Variants in FAM149A observed in about 807,000 individuals in gnomAD.
FAM149A encodes the protein family with sequence similarity 149 member A.
A neutral mutation model predicts 78.2 loss-of-function variants in FAM149A; 71 were observed. That is an observed-to-expected ratio of 0.91 (90% CI 0.75 to 1.11). The LOEUF is 1.11. Ranked by LOEUF, FAM149A falls within the 50% of genes least tolerant of loss-of-function variation. The pLI is 0.00. For missense variants in FAM149A, 1,036 were observed against 971.0 expected (o/e 1.07, Z -0.89); for synonymous variants, 446 against 410.5 (o/e 1.09, Z -1.04).
In FAM149A at chr4:186,146,818, T is replaced by G. The variant is rs145902627; in HGVS notation, c.567-2355T>G. 284 of 985,466 alleles carry G rather than the reference T, an allele frequency of 2.9e-4. 1 individual carries two copies. In the South Asian group the frequency reaches 7.4e-3, roughly 26 times the overall value. The allele number at this position is 985,466 out of a possible 1,614,324, so 61.0% of individuals were successfully genotyped here. ...CATGTCAGGTCACGATGTAATCCTATGTTTCAGGCATAAACATTCAGAGTA... is the reference window on the plus strand; with the variant it reads ...CATGTCAGGTCACGATGTAATCCTAGGTTTCAGGCATAAACATTCAGAGTA... On this transcript the variant is annotated intron_variant, in intron 1 of 13. Coordinates refer to ENST00000389354, the MANE Select transcript of FAM149A (RefSeq NM_001367768.3).
chr4:186,161,326 C>T (rs996335115), intron 8 of FAM149A, among the ~76,000 whole-genome samples: 3 of 152,074 alleles, frequency 2.0e-5, no homozygotes, highest in South Asian at 2.1e-4. Flanking sequence ...TCTAAACCCG[C>T]GATCTTTGTG....
In FAM149A at chr4:186,137,001, TC is replaced by T. The variant is rs1561396568; in HGVS notation, c.567-12171del. Among the ~76,000 whole-genome samples the T allele has an allele frequency of 4.1e-3, 583 of 142,994 alleles. 10 individuals are homozygous for T. The highest frequency in any genetic ancestry group is 0.014 in the African/African-American group (562 of 39,218). 93.8% of individuals were successfully genotyped at this position (142,994 alleles called of 152,430 possible). On this transcript the variant is annotated intron_variant, in intron 1 of 13. Coordinates refer to ENST00000389354, the MANE Select transcript of FAM149A (RefSeq NM_001367768.3). ...TTCTCTCTCTCTCTCTCTCTCTCTCTCTCTCTCTCTCTCTCTCTAAGTGCTT... is the reference window on the plus strand; with the variant it reads ...TTCTCTCTCTCTCTCTCTCTCTCTCTTCTCTCTCTCTCTCTCTAAGTGCTT...
intron 6 of FAM149A, 46 bp from the exon 7 acceptor site, chr4:186,155,954 T>A (rs1205897119): frequency 6.6e-7 from 1 of 1,507,840 alleles, no homozygotes; most frequent in South Asian, 1.2e-5. Flanking sequence ...TTATTTTAAC[T>A]CTAAGCATTG....
rs778798781 is a variant in FAM149A at position 186,171,917 on chromosome 4, C to G, written c.2222C>G (p.Ser741Ter). 1.9e-6 allele frequency: 3 copies of G among 1,604,160 alleles called. No homozygotes were observed. The Admixed American group carries it at 5.2e-5, about 28-fold the overall frequency. Reference sequence around the variant, plus strand: ...ACCTTTTGCTTGGTGTTTCCAGGTTCACAATATGTGCCTAAATCTTTTCAG... The same window carrying G: ...ACCTTTTGCTTGGTGTTTCCAGGTTGACAATATGTGCCTAAATCTTTTCAG... The change falls in exon 14 of 14, where the codon TCA (serine) becomes TGA (stop). Residue 741 changes from serine (S) to a stop codon, truncating the protein, a stop_gained. Coordinates refer to ENST00000389354, the MANE Select transcript of FAM149A (RefSeq NM_001367768.3). LOFTEE classifies it high-confidence loss of function.
At position 186,144,871 on chromosome 4, in the gene FAM149A, G is replaced by C. The variant is rs1183765834; in HGVS notation, c.567-4302G>C. ...GGATCTGGAGAGGGAAGGGGCGTGC[G>C]AGCCCCGCGGACCCCGGGCGCGCCC... is the stretch of plus-strand genomic sequence containing the variant. On this transcript the variant is annotated intron_variant, in intron 1 of 13. Transcript: ENST00000389354. The surrounding 1 kb of genome is among the most constrained non-coding windows in gnomAD (Gnocchi z 4.2). 1 of 979,670 alleles carries C rather than the reference G, an allele frequency of 1.0e-6. No homozygotes were observed. The highest frequency in any genetic ancestry group is 1.2e-6 in the Non-Finnish European group (1 of 827,486). 60.7% of individuals were successfully genotyped at this position (979,670 alleles called of 1,614,324 possible).
intron 13 of FAM149A, among the ~76,000 whole-genome samples, chr4:186,171,440 C>G (rs889221295): frequency 6.6e-6 from 1 of 152,164 alleles, no homozygotes; most frequent in African/African-American, 2.4e-5. Context: ...CACATGACCT[C>G]CTTGCTACCT....
At chr4:186,109,071 T>G (rs2099310105) in intron 1 of FAM149A, 1 of 318,694 alleles carries the variant, frequency 3.1e-6, no homozygotes, top group Non-Finnish European at 4.5e-6. Context: ...ATGGTCTCGA[T>G]CTCCTGACCT....
Position 186,157,481 on chromosome 4 carries a change from A to C in FAM149A, c.1421-84A>C, listed in dbSNP as rs911699083. 28 of 1,408,136 alleles carry C rather than the reference A, an allele frequency of 2.0e-5. No individual in the cohort carries two copies. The African/African-American group carries it at 3.5e-4, about 18-fold the overall frequency. 87.2% of individuals were successfully genotyped at this position (1,408,136 alleles called of 1,614,324 possible). On this transcript the variant is annotated intron_variant, in intron 7 of 13. Coordinates refer to ENST00000389354, the MANE Select transcript of FAM149A (RefSeq NM_001367768.3). The stretch of plus-strand genomic sequence containing the variant: ...TGGGCTCGTGGTAGCTCAAGCACAC[A>C]TATTCTCTTTCAAGAGTGAATTTTA...
At chr4:186,171,787 T>G in intron 13 of FAM149A, 127 bp from the exon 14 acceptor site, 1 of 668,834 alleles carries the variant, frequency 1.5e-6, no homozygotes, top group Non-Finnish European at 2.2e-6. Context: ...TTTCCTAATT[T>G]ATACAAAAGT....
intron 1 of FAM149A, among the ~76,000 whole-genome samples, chr4:186,111,411 T>G (rs1195520662): frequency 2.6e-5 from 4 of 151,984 alleles, no homozygotes; most frequent in Non-Finnish European, 5.9e-5. Context: ...TAGATCCCTT[T>G]TGTCAATTTT....
At chr4:186,146,634 G>C in intron 1 of FAM149A, 1 of 730,192 alleles carries the variant, frequency 1.4e-6, no homozygotes, top group Non-Finnish European at 1.7e-6. Context: ...ACAAAAGCAG[G>C]AGGAGGAGCT....
intron 1 of FAM149A, among the ~76,000 whole-genome samples, chr4:186,138,479 C>G (rs956402802): frequency 6.6e-6 from 1 of 152,172 alleles, no homozygotes; most frequent in African/African-American, 2.4e-5. Context: ...CGCAGGGTCC[C>G]CTAAACTGTA....
rs1185242514 is a variant in FAM149A, at chr4:186,144,736, G to GGGGCCC, written c.567-4432_567-4431insCGGGCC. 4.6e-6 allele frequency: 4 copies of GGGGCCC among 863,620 alleles called. No homozygotes were observed. The East Asian group carries it at 3.6e-4, about 79-fold the overall frequency. 53.5% of individuals were successfully genotyped at this position (863,620 alleles called of 1,614,324 possible). A position where few individuals can be genotyped will look rare whatever the true frequency, so the allele number is the denominator to read the frequency against. On this transcript the variant is annotated intron_variant, in intron 1 of 13. Transcript: ENST00000389354. This position sits in a 1 kb window ranked among gnomAD's most constrained non-coding sequence, Gnocchi z 4.2. Reference sequence around the variant, plus strand: ...CGGAGGTCGGCGCGGGGCCGGGGCCGGGGCCGGGGCCCGGAGCGGGGATGG... The same window carrying GGGGCCC: ...CGGAGGTCGGCGCGGGGCCGGGGCCGGGGCCCGGGCCGGGGCCCGGAGCGGGGATGG...
rs148580222 is a variant in FAM149A at position 186,167,032 on chromosome 4, G to A, written c.2075G>A (p.Arg692His). 2.0e-5 allele frequency: 32 copies of A among 1,614,018 alleles called. 1 individual carries two copies. In the African/African-American group the frequency reaches 2.9e-4, roughly 15 times the overall value. ...ATGCCTGACGGTACAGAACGATCGC[G>A]TCTTCGAGAAAGAACAGCCACCCTG... The change falls in exon 12 of 14, where the codon CGT becomes CAT. Residue 692 changes from arginine (R) to histidine (H), a missense_variant. By Grantham distance (29) the Arg-to-His change is conservative. Around this residue, in one of 3 missense-constraint regions of FAM149A, gnomAD observed 716 missense variants for 711.8 expected, o/e 1.01. Coordinates refer to ENST00000389354, the MANE Select transcript of FAM149A (RefSeq NM_001367768.3).
intron 1 of FAM149A, among the ~76,000 whole-genome samples, chr4:186,147,646 T>G (rs1339814406): frequency 6.6e-6 from 1 of 152,238 alleles, no homozygotes; most frequent in Non-Finnish European, 1.5e-5. Context: ...ATATATTAAC[T>G]CCTATACCAG....
At chr4:186,125,454 A>T (rs2099317906) in intron 1 of FAM149A, 14 of 569,224 alleles carry the variant, frequency 2.5e-5, no homozygotes, top group Non-Finnish European at 3.1e-5. Context: ...GGAGCTGATC[A>T]GAGCACGCTG....
chr4:186,130,263 A>ATATCTCTCTCTC (rs1554068048), intron 1 of FAM149A: 4 of 67,098 alleles, frequency 6.0e-5, no homozygotes, highest in Non-Finnish European at 8.4e-5. Flanking sequence ...ACTTTATGAA[A>ATATCTCTCTCTC]TCTCTCTCTC....
At chr4:186,149,039 T>G in intron 1 of FAM149A, 134 bp from the exon 2 acceptor site, 1 of 388,362 alleles carries the variant, frequency 2.6e-6, no homozygotes, top group Non-Finnish European at 4.5e-6. Flanking sequence ...TGTGCGCTCA[T>G]GCACAGGTGG....
rs1335569875 is a variant in FAM149A at position 186,118,165 on chromosome 4, G to A, written c.566+12523G>A. On this transcript the variant is annotated intron_variant, in intron 1 of 13. Coordinates refer to ENST00000389354, the MANE Select transcript of FAM149A (RefSeq NM_001367768.3). Reference sequence around the variant, plus strand: ...GTACAGGAGTTGGTGAACACACACAGTGATCACAAACTATACAACAGATGA... The same window carrying A: ...GTACAGGAGTTGGTGAACACACACAATGATCACAAACTATACAACAGATGA... The A allele has an allele frequency of 5.1e-6, 5 of 985,326 alleles. No homozygotes were observed. In the African/African-American group the frequency reaches 8.7e-5, roughly 17 times the overall value. The allele number at this position is 985,326 out of a possible 1,614,324, so 61.0% of individuals were successfully genotyped here.
Sources: allele counts gnomAD v4.1 joint callset (sites outside exome capture counted in the v4.1 genomes callset), GRCh38; gene constraint gnomAD v4.1.1; regional missense constraint gnomAD v4.1.1; non-coding constraint Gnocchi (gnomAD v3.1); transcripts MANE v1.5; gene names NCBI Gene and HGNC (gene_info 2026-07-23, HGNC 2026-07-21).